The following MDM2 variants were observed in gnomAD, a reference collection of about 807,000 sequenced individuals.
The protein encoded by MDM2 is E3 ubiquitin-protein ligase Mdm2.
MDM2 carries 11 observed loss-of-function variants against 64.3 expected under a neutral mutation model. The observed-to-expected ratio is 0.17, with a 90% CI of 0.11 to 0.28. MDM2 has a LOEUF of 0.28. Among genes scored for constraint, MDM2 ranks in the 10% least tolerant of loss-of-function variants. The pLI is 1.00. For missense variants in MDM2, 388 were observed against 577.1 expected, an observed-to-expected ratio of 0.67 and a Z score of 3.36; for synonymous variants, 194 against 192.9, an observed-to-expected ratio of 1.01 and a Z score of -0.05.
chr12:68,808,371 G>A lies in MDM2; in HGVS notation c.-107G>A. 1 of 1,473,926 alleles carries A rather than the reference G, an allele frequency of 6.8e-7. No individual in the cohort carries two copies. The allele number at this position is 1,473,926 out of a possible 1,614,324, so 91.3% of individuals were successfully genotyped here. The stretch of plus-strand genomic sequence containing the variant: ...GTACGAGCGCCCAGTGCCCTGGCCC[G>A]GAGAGTGGAATGATCCCCGAGGCCC... On this transcript the variant is annotated 5_prime_UTR_variant, in exon 1 of 11. Coordinates refer to ENST00000258149, the MANE Select transcript of MDM2 (RefSeq NM_002392.6).
At chr12:68,815,548 C>A in intron 3 of MDM2, 1 of 229,976 alleles carries the variant, frequency 4.3e-6, no homozygotes, top group Non-Finnish European at 9.2e-6. Context: ...CTCAGGTGAT[C>A]CTCCCACCTC....
chr12:68,808,425 A>G lies in MDM2; in HGVS notation c.-53A>G. On this transcript the variant is annotated 5_prime_UTR_variant, in exon 1 of 11. It removes the in-frame stop codon of an upstream open reading frame in the 5' UTR. Transcript: ENST00000258149. ...GCGTCGTGCTTCCGCGCGCCCCGTG[A>G]AGGAAACTGGGGAGTCTTGAGGGAC... The G allele has an allele frequency of 6.2e-7, 1 of 1,613,460 alleles. No individual in the cohort carries two copies. Among genetic ancestry groups the G allele is most frequent in the South Asian group, 1.1e-5 (1 of 91,058 alleles).
At chr12:68,847,521 T>C (rs534333005), downstream of MDM2, 12 of 132,816 alleles carry the variant, frequency 9.0e-5, no homozygotes, top group African/African-American at 3.6e-4. Context: ...TGGCGCAATC[T>C]CGGCTCACTG....
chr12:68,839,240 A>G (rs1883548021), intron 10 of MDM2, 34 bp from the exon 11 acceptor site: 1 of 1,587,120 alleles, frequency 6.3e-7, no homozygotes, highest in African/African-American at 1.3e-5. Flanking sequence ...TTAAAGGGTT[A>G]CAGAAACTGA....
chr12:68,811,032 A>G (rs1485252005), intron 2 of MDM2, among the ~76,000 whole-genome samples: 2 of 151,628 alleles, frequency 1.3e-5, no homozygotes, highest in Non-Finnish European at 2.9e-5. Flanking sequence ...CGCTCAGCTA[A>G]TTTTGTATTT....
intron 9 of MDM2, 169 bp from the exon 10 acceptor site, chr12:68,836,503 C>T (rs559793922): frequency 5.7e-6 from 3 of 529,296 alleles, no homozygotes; most frequent in East Asian, 6.4e-5. Flanking sequence ...GTAAGGATTT[C>T]TCTCTCCTCC....
intron 10 of MDM2, among the ~76,000 whole-genome samples, chr12:68,837,360 CT>C (rs968226523): frequency 2.2e-4 from 32 of 145,832 alleles, no homozygotes; most frequent in Admixed American, 2.8e-4. Context: ...CAAACGTAAA[CT>C]TTTTTTTTTT....
chr12:68,815,641 C>T, intron 3 of MDM2: 2 of 415,512 alleles, frequency 4.8e-6, no homozygotes, highest in Non-Finnish European at 9.6e-6. Flanking sequence ...TGGAGTTTCA[C>T]TATGTTGCCC....
rs185742269 is a variant in MDM2 at position 68,832,793 on chromosome 12, C to A, written c.685-3036C>A. 7.0e-3 allele frequency among the ~76,000 whole-genome samples: 1,058 copies of A among 151,862 alleles called. 5 individuals carry two copies. The highest frequency in any genetic ancestry group is 0.012 in the Non-Finnish European group (804 of 67,938). ...TTTGGCTCCCAGAGTATTGGGATTA[C>A]AGGCATGAGCCACCACCTCCAGCCT... On this transcript the variant is annotated intron_variant, in intron 8 of 10. Coordinates refer to ENST00000258149, the MANE Select transcript of MDM2 (RefSeq NM_002392.6).
chr12:68,814,490 G>A (rs1881181225), intron 3 of MDM2: 2 of 266,182 alleles, frequency 7.5e-6, no homozygotes, highest in South Asian at 3.5e-5. Context: ...GTGATTTGTT[G>A]CCTACATTTA....
At chr12:68,813,210 T>C (rs901718307) in intron 2 of MDM2, among the ~76,000 whole-genome samples, 30 of 152,214 alleles carry the variant, frequency 2.0e-4, no homozygotes, top group Admixed American at 1.3e-4. Flanking sequence ...GGACCCACTC[T>C]AAAGATTTAT....
chr12:68,841,390 C>T lies in MDM2; in HGVS notation c.*1541C>T. ...AAGTAGGATTACAGGCGTTAGCCACCACACCCGGCTGTAAAAATGTACTTA... is the reference window on the plus strand; with the variant it reads ...AAGTAGGATTACAGGCGTTAGCCACTACACCCGGCTGTAAAAATGTACTTA... On this transcript the variant is annotated 3_prime_UTR_variant, in exon 11 of 11. Transcript: ENST00000258149. 1 of 208,722 alleles carries T rather than the reference C, an allele frequency of 4.8e-6. No individual in the cohort carries two copies. 12.9% of individuals were successfully genotyped at this position (208,722 alleles called of 1,614,324 possible). A position where few individuals can be genotyped will look rare whatever the true frequency, so the allele number is the denominator to read the frequency against.
At chr12:68,823,433 G>A (rs1448225868) in intron 5 of MDM2, among the ~76,000 whole-genome samples, 3 of 152,056 alleles carry the variant, frequency 2.0e-5, no homozygotes, top group Admixed American at 2.0e-4. Flanking sequence ...TTAGTGAATG[G>A]TACCACTCAT....
At chr12:68,813,886 G>A (rs1881127895) in intron 3 of MDM2, among the ~76,000 whole-genome samples, 1 of 152,210 alleles carries the variant, frequency 6.6e-6, no homozygotes, top group Non-Finnish European at 1.5e-5. Context: ...CCCTTTGGTA[G>A]ACTCCTTCCC....
chr12:68,832,064 C>G (rs1882841944), intron 8 of MDM2, among the ~76,000 whole-genome samples: 1 of 152,134 alleles, frequency 6.6e-6, no homozygotes, highest in East Asian at 1.9e-4. Flanking sequence ...GAACGAAATT[C>G]CATCTCAAAC....
chr12:68,839,531 A>G lies in MDM2; in HGVS notation c.1176A>G (p.Ser392=). 1 of 1,613,988 alleles carries G rather than the reference A, an allele frequency of 6.2e-7. No individual in the cohort carries two copies. The highest frequency in any genetic ancestry group is 8.5e-7 in the Non-Finnish European group (1 of 1,180,010). ...ATGATGATAAAATTACACAAGCTTC[A>G]CAATCACAAGAAAGTGAAGACTATT... ...EENDDKITQA[S]QSQESEDYSQ... is the part of the protein sequence containing the mutation. Residue 392 remains serine, a synonymous_variant, in exon 11 of 11, where the codon TCA becomes TCG. Transcript: ENST00000258149.
chr12:68,818,835 A>T, intron 4 of MDM2, among the ~76,000 whole-genome samples: 1 of 151,248 alleles, frequency 6.6e-6, no homozygotes, highest in Non-Finnish European at 1.5e-5. Flanking sequence ...GGTTCAAGCG[A>T]TTCTCTTGCC....
chr12:68,826,141 A>T (rs1882299320), intron 7 of MDM2, among the ~76,000 whole-genome samples: 1 of 152,102 alleles, frequency 6.6e-6, no homozygotes, highest in Non-Finnish European at 1.5e-5. Flanking sequence ...ATGACTAATA[A>T]ATATGGGGAG....
chr12:68,809,444 G>A, intron 2 of MDM2, 152 bp downstream of exon 2: 1 of 696,240 alleles, frequency 1.4e-6, no homozygotes, highest in Non-Finnish European at 2.4e-6. Flanking sequence ...ACTGCGTGGA[G>A]TTAAAAACTG....
Sources: gnomAD v4.1 joint callset for allele counts (sites outside exome capture counted in the v4.1 genomes callset) on GRCh38, gnomAD v4.1.1 for gene constraint, MANE v1.5 for transcripts, NCBI Gene and HGNC (gene_info 2026-07-23, HGNC 2026-07-21) for gene names.